The following IMPG1 variants were observed in gnomAD, a reference collection of about 807,000 sequenced individuals.
IMPG1 encodes the protein interphotoreceptor matrix proteoglycan of 150 kDa.
Under a neutral mutation model 92.0 loss-of-function variants are expected in IMPG1, and 85 were observed. That is an observed-to-expected ratio of 0.92 (90% CI 0.78 to 1.11). The LOEUF is 1.11. IMPG1 is among the 50% of genes least tolerant of loss of function. The pLI is 0.00. For missense variants in IMPG1, 1,022 were observed against 956.0 expected, an observed-to-expected ratio of 1.07 and a Z score of -0.91; for synonymous variants, 367 against 334.1, an observed-to-expected ratio of 1.10 and a Z score of -1.08.
At chr6:75,969,326 G>A (rs1310831270) in intron 12 of IMPG1, among the ~76,000 whole-genome samples, 1 of 151,986 alleles carries the variant, frequency 6.6e-6, no homozygotes, top group Non-Finnish European at 1.5e-5. Context: ...ACAAAAAATG[G>A]CAAGTATGTG....
At chr6:75,946,978 CA>C (rs1781937556) in intron 14 of IMPG1, among the ~76,000 whole-genome samples, 1 of 152,060 alleles carries the variant, frequency 6.6e-6, no homozygotes, top group South Asian at 2.1e-4. Flanking sequence ...TGACTTCTAG[CA>C]GAATGTAAAT....
At chr6:75,985,301 C>T (rs973868863) in intron 12 of IMPG1, among the ~76,000 whole-genome samples, 1 of 152,078 alleles carries the variant, frequency 6.6e-6, no homozygotes, top group African/African-American at 2.4e-5. Context: ...AAAATGCTGC[C>T]CCTGGCAGAG....
chr6:76,002,819 T>C, intron 12 of IMPG1, 99 bp downstream of exon 12: 1 of 903,114 alleles, frequency 1.1e-6, no homozygotes, highest in Non-Finnish European at 1.8e-6. Flanking sequence ...TTTCCTGGGT[T>C]CGGGATGGCT....
chr6:76,039,684 A>C (rs1236144971), intron 2 of IMPG1, among the ~76,000 whole-genome samples: 1 of 152,118 alleles, frequency 6.6e-6, no homozygotes, highest in Non-Finnish European at 1.5e-5. Context: ...TGGGTATGGG[A>C]GGCAGAGAGG....
intron 1 of IMPG1, among the ~76,000 whole-genome samples, chr6:76,071,939 G>A (rs1290367564): frequency 3.3e-5 from 5 of 152,066 alleles, no homozygotes; most frequent in African/African-American, 4.8e-5. Flanking sequence ...TTGTCATCAT[G>A]AACCCTGAAG....
intron 6 of IMPG1, among the ~76,000 whole-genome samples, chr6:76,021,098 C>A (rs532841468): frequency 9.2e-5 from 14 of 152,296 alleles, no homozygotes; most frequent in African/African-American, 3.4e-4. Context: ...TCTATTGTCT[C>A]TAAGGGCAGC....
intron 12 of IMPG1, among the ~76,000 whole-genome samples, chr6:75,970,738 A>G (rs969524751): frequency 6.6e-6 from 1 of 152,244 alleles, no homozygotes; most frequent in Non-Finnish European, 1.5e-5. Flanking sequence ...GTAATTTTTA[A>G]TAGTATGATC....
At chr6:75,950,449 G>T in intron 13 of IMPG1, 113 bp downstream of exon 13, 1 of 913,750 alleles carries the variant, frequency 1.1e-6, no homozygotes. Flanking sequence ...AGCTGGCTTG[G>T]CGGTTTGTTT....
intron 12 of IMPG1, among the ~76,000 whole-genome samples, chr6:75,974,997 T>C (rs559146348): frequency 2.0e-5 from 3 of 152,250 alleles, no homozygotes; most frequent in Non-Finnish European, 4.4e-5. Flanking sequence ...GATTTTCTTT[T>C]GGGAAAGTAG....
chr6:75,959,374 C>G (rs530273257), intron 12 of IMPG1, among the ~76,000 whole-genome samples: 1 of 152,326 alleles, frequency 6.6e-6, no homozygotes, highest in Non-Finnish European at 1.5e-5. Context: ...GGCAGTCTGT[C>G]CCTTATCAGA....
rs3798582 is a variant in IMPG1 at position 76,039,909 on chromosome 6, A to G, written c.301+1984T>C. 4.3e-4 allele frequency among the ~76,000 whole-genome samples: 65 copies of G among 152,358 alleles called. No homozygotes were observed. In the East Asian group the frequency reaches 0.01, roughly 24 times the overall value. ...CGTTGCTTTTAAGCCCTGGGAAATG[A>G]AATAATTCAATGTTCCATTTGATTT... On this transcript the variant is annotated intron_variant, in intron 2 of 16. Transcript: ENST00000369950.
At chr6:76,045,494 C>T (rs548208107) in intron 1 of IMPG1, among the ~76,000 whole-genome samples, 4 of 137,212 alleles carry the variant, frequency 2.9e-5, no homozygotes, top group East Asian at 2.1e-4. Flanking sequence ...CTTGACTACT[C>T]TGTTTCTGTG....
At chr6:75,963,472 A>C (rs922809626) in intron 12 of IMPG1, among the ~76,000 whole-genome samples, 3 of 152,140 alleles carry the variant, frequency 2.0e-5, no homozygotes, top group African/African-American at 7.2e-5. Context: ...ATTTTGAGAT[A>C]ATTGTAGATT....
intron 4 of IMPG1, among the ~76,000 whole-genome samples, chr6:76,030,541 C>G (rs1783635665): frequency 6.6e-6 from 1 of 152,134 alleles, no homozygotes; most frequent in Non-Finnish European, 1.5e-5. Context: ...GATGCATCCT[C>G]CAAACTGGAA....
At chr6:75,925,985 A>C (rs1382328358) in intron 15 of IMPG1, among the ~76,000 whole-genome samples, 1 of 152,062 alleles carries the variant, frequency 6.6e-6, no homozygotes, top group Non-Finnish European at 1.5e-5. Flanking sequence ...TATTTGTTTA[A>C]AGGAAGTTGA....
chr6:76,068,949 C>T (rs546676232), intron 1 of IMPG1, among the ~76,000 whole-genome samples: 1 of 151,890 alleles, frequency 6.6e-6, no homozygotes, highest in African/African-American at 2.4e-5. Context: ...ATAGAAAAAA[C>T]AACAAAAGAA....
intron 12 of IMPG1, among the ~76,000 whole-genome samples, chr6:75,977,651 C>T (rs748881085): frequency 5.9e-5 from 9 of 151,472 alleles, no homozygotes; most frequent in Admixed American, 5.9e-4. Flanking sequence ...ATTTAAACCT[C>T]ATTTCATTTC....
At chr6:75,972,283 T>C (rs1352570265) in intron 12 of IMPG1, among the ~76,000 whole-genome samples, 1 of 152,184 alleles carries the variant, frequency 6.6e-6, no homozygotes, top group East Asian at 1.9e-4. Context: ...ACATGCAAGA[T>C]ACGTACATTC....
chr6:76,015,133 C>T (rs776541078), intron 7 of IMPG1, among the ~76,000 whole-genome samples: 3 of 152,216 alleles, frequency 2.0e-5, no homozygotes, highest in African/African-American at 4.8e-5. Flanking sequence ...AAGGTTTGCA[C>T]AGGAGAAAGC....
Sources: allele counts gnomAD v4.1 joint callset (sites outside exome capture counted in the v4.1 genomes callset), GRCh38; gene constraint gnomAD v4.1.1; transcripts MANE v1.5; gene names NCBI Gene and HGNC (gene_info 2026-07-23, HGNC 2026-07-21).